The following CAMKMT variants were observed in gnomAD, a reference collection of about 807,000 sequenced individuals.
CAMKMT encodes the protein CaM KMT.
CAMKMT carries 53 observed loss-of-function variants against 48.0 expected under a neutral mutation model. The observed-to-expected ratio is 1.10, with a 90% CI of 0.89 to 1.39. The LOEUF (loss-of-function observed/expected upper bound fraction) is 1.39, where lower values mean the gene tolerates loss of function less well. CAMKMT is among the 40% of genes most tolerant of loss of function. The pLI is 0.00. For missense variants in CAMKMT, 428 were observed against 402.7 expected, an observed-to-expected ratio of 1.06 and a Z score of -0.54; for synonymous variants, 165 against 152.3, an observed-to-expected ratio of 1.08 and a Z score of -0.61.
At chr2:44,632,189 T>C (rs1311012852) in intron 3 of CAMKMT, among the ~76,000 whole-genome samples, 2 of 152,192 alleles carry the variant, frequency 1.3e-5, no homozygotes, top group Non-Finnish European at 2.9e-5. Context: ...TATGTAGTAT[T>C]AATACCATTT....
chr2:44,572,153 C>G (rs1395621248), intron 3 of CAMKMT, among the ~76,000 whole-genome samples: 1 of 152,164 alleles, frequency 6.6e-6, no homozygotes, highest in East Asian at 1.9e-4. Context: ...ACAATCTCCC[C>G]TTCTCCCAGT....
intron 3 of CAMKMT, among the ~76,000 whole-genome samples, chr2:44,458,815 G>GT (rs570452328): frequency 6.6e-5 from 10 of 151,848 alleles, no homozygotes; most frequent in African/African-American, 2.2e-4. Flanking sequence ...GTTTAAAAGT[G>GT]TTTTTTTTCT....
intron 3 of CAMKMT, among the ~76,000 whole-genome samples, chr2:44,455,057 T>C (rs1372246189): frequency 1.3e-5 from 2 of 152,158 alleles, no homozygotes; most frequent in Non-Finnish European, 2.9e-5. Context: ...CTCTATGGCA[T>C]CATGAGATGC....
intron 8 of CAMKMT, among the ~76,000 whole-genome samples, chr2:44,751,662 G>A (rs776096730): frequency 5.3e-5 from 8 of 152,172 alleles, no homozygotes; most frequent in Admixed American, 2.0e-4. Context: ...TGTAACCTCC[G>A]TAAGGACAGG....
intron 3 of CAMKMT, among the ~76,000 whole-genome samples, chr2:44,537,013 C>A (rs534815717): frequency 6.6e-6 from 1 of 152,080 alleles, no homozygotes; most frequent in African/African-American, 2.4e-5. Context: ...AAAGCCAACT[C>A]CAGATGGATT....
chr2:44,647,758 A>T (rs1364416216), intron 3 of CAMKMT, among the ~76,000 whole-genome samples: 1 of 151,898 alleles, frequency 6.6e-6, no homozygotes, highest in African/African-American at 2.4e-5. Context: ...ATACAAAAAA[A>T]TTAGCCAGGC....
chr2:44,505,847 TTTATTTATTTATTTA>T (rs1487212658), intron 3 of CAMKMT, among the ~76,000 whole-genome samples: 1 of 4,714 alleles, frequency 2.1e-4, no homozygotes, highest in Admixed American at 4.0e-3. Flanking sequence ...ATTTACTTTA[TTTATTTATTTATTTA>T]TTTATTTATT....
chr2:44,584,788 C>T (rs1011009975), intron 3 of CAMKMT, among the ~76,000 whole-genome samples: 1 of 152,052 alleles, frequency 6.6e-6, no homozygotes, highest in Non-Finnish European at 1.5e-5. Context: ...GGTGCGGTGG[C>T]TCACACCTGT....
At chr2:44,736,847 T>G (rs1015849771) in intron 7 of CAMKMT, among the ~76,000 whole-genome samples, 4 of 152,216 alleles carry the variant, frequency 2.6e-5, no homozygotes, top group Non-Finnish European at 5.9e-5. Flanking sequence ...GAAGTTTGAT[T>G]TGGGGCTTTA....
In CAMKMT at chr2:44,556,554, C is replaced by T. The variant is rs1422161975; in HGVS notation, c.377-147729C>T. Among the ~76,000 whole-genome samples, 3 of 27,730 alleles carry T rather than the reference C, an allele frequency of 1.1e-4. 1 individual carries two copies. The highest frequency in any genetic ancestry group is 2.6e-4 in the Non-Finnish European group (3 of 11,506). 18.2% of individuals were successfully genotyped at this position (27,730 alleles called of 152,430 possible). On this transcript the variant is annotated intron_variant, in intron 3 of 10. Transcript: ENST00000378494. ...GCGCAATCTCGGCTCACTGCAAGCT[C>T]CGCTTCCCGGGTTCACGCCATTCTC... is the stretch of plus-strand genomic sequence containing the variant.
intron 3 of CAMKMT, among the ~76,000 whole-genome samples, chr2:44,654,092 C>G (rs2104050318): frequency 6.6e-6 from 1 of 152,260 alleles, no homozygotes; most frequent in African/African-American, 2.4e-5. Flanking sequence ...CCAGAGAAAG[C>G]TAGTGCCCTG....
At chr2:44,456,021 C>A (rs963283051) in intron 3 of CAMKMT, among the ~76,000 whole-genome samples, 4 of 152,098 alleles carry the variant, frequency 2.6e-5, no homozygotes, top group Non-Finnish European at 5.9e-5. Flanking sequence ...ATAGCTTCTA[C>A]CCTACTAATA....
intron 3 of CAMKMT, among the ~76,000 whole-genome samples, chr2:44,690,611 T>C (rs2104217643): frequency 6.6e-6 from 1 of 152,316 alleles, no homozygotes; most frequent in East Asian, 1.9e-4. Flanking sequence ...GGATTAAATG[T>C]GATCATCCAT....
intron 3 of CAMKMT, among the ~76,000 whole-genome samples, chr2:44,457,587 T>C (rs890078199): frequency 6.6e-6 from 1 of 151,694 alleles, no homozygotes; most frequent in Non-Finnish European, 1.5e-5. Context: ...TTAGTAGAGA[T>C]GGGGTTTCAC....
At chr2:44,544,027 A>G (rs560308410) in intron 3 of CAMKMT, among the ~76,000 whole-genome samples, 26 of 152,314 alleles carry the variant, frequency 1.7e-4, no homozygotes, top group African/African-American at 5.8e-4. Flanking sequence ...CACTTTCTGG[A>G]CAAAAATCTA....
At chr2:44,362,777 C>A (rs1250240136) in intron 1 of CAMKMT, among the ~76,000 whole-genome samples, 1 of 152,188 alleles carries the variant, frequency 6.6e-6, no homozygotes, top group Non-Finnish European at 1.5e-5. Flanking sequence ...AAAGTGTGTT[C>A]GTTTTTGAAT....
At chr2:44,547,506 G>A (rs1251318555) in intron 3 of CAMKMT, among the ~76,000 whole-genome samples, 1 of 152,034 alleles carries the variant, frequency 6.6e-6, no homozygotes, top group Non-Finnish European at 1.5e-5. Context: ...ACTCCAGCCT[G>A]GGCAACATAG....
intron 3 of CAMKMT, among the ~76,000 whole-genome samples, chr2:44,678,890 A>G (rs1215597903): frequency 3.9e-5 from 6 of 152,138 alleles, no homozygotes; most frequent in African/African-American, 1.4e-4. Context: ...ATAATTATCT[A>G]TCTTGGCCCA....
intron 7 of CAMKMT, among the ~76,000 whole-genome samples, chr2:44,734,826 C>T (rs564448406): frequency 6.6e-6 from 1 of 152,286 alleles, no homozygotes; most frequent in African/African-American, 2.4e-5. Flanking sequence ...ATCTGTTCTG[C>T]TATTGTTGAG....
Sources: gnomAD v4.1 joint callset for allele counts (sites outside exome capture counted in the v4.1 genomes callset) on GRCh38, gnomAD v4.1.1 for gene constraint, MANE v1.5 for transcripts, NCBI Gene and HGNC (gene_info 2026-07-23, HGNC 2026-07-21) for gene names.